The following DYTN variants were observed in gnomAD, a reference collection of about 807,000 sequenced individuals.
DYTN encodes dystrotelin.
DYTN carries 75 observed loss-of-function variants against 69.6 expected under a neutral mutation model. The observed-to-expected ratio is 1.08, with a 90% CI of 0.89 to 1.31. DYTN has a LOEUF of 1.31. Ranked by LOEUF, DYTN falls within the 50% of genes most tolerant of loss-of-function variation. DYTN has a pLI of 0.00. For synonymous variants in DYTN, 252 were observed against 249.1 expected (o/e 1.01, Z -0.11); for missense variants, 726 against 688.4 (o/e 1.05, Z -0.61).
intron 11 of DYTN, among the ~76,000 whole-genome samples, 167 bp from the exon 12 acceptor site, chr2:206,652,088 G>A (rs190506344): frequency 1.3e-5 from 2 of 152,222 alleles, no homozygotes; most frequent in Non-Finnish European, 2.9e-5. Flanking sequence ...TATTTACCAC[G>A]ATCATTACTA....
chr2:206,700,266 G>A (rs764720938), intron 5 of DYTN, 50 bp from the exon 6 acceptor site: 20 of 1,602,748 alleles, frequency 1.2e-5, no homozygotes, highest in East Asian at 4.5e-5. Context: ...GAAATATGTC[G>A]TCTCCGGGAG....
intron 11 of DYTN, 37 bp downstream of exon 11, chr2:206,662,866 T>C: frequency 6.4e-7 from 1 of 1,571,678 alleles, no homozygotes; most frequent in Non-Finnish European, 8.6e-7. Flanking sequence ...CTTGAATCCT[T>C]GGCCATCACG....
intron 7 of DYTN, among the ~76,000 whole-genome samples, chr2:206,698,752 C>T (rs1475053810): frequency 6.6e-6 from 1 of 152,210 alleles, no homozygotes; most frequent in African/African-American, 2.4e-5. Flanking sequence ...TTTGAATCTC[C>T]CACCTCCAAA....
rs1354681920 is a variant in DYTN at position 206,651,840 on chromosome 2, A to G, written c.1715T>C (p.Ile572Thr). The G allele has an allele frequency of 6.2e-7, 1 of 1,613,542 alleles. No homozygotes were observed. Among genetic ancestry groups the G allele is most frequent in the South Asian group, 1.1e-5 (1 of 91,056 alleles). ...CRAFSALVDQ[I>T]ALPNLK ...ATTTCACTTCAAATTGGGCAAGGCA[A>G]TTTGATCAACAAGGGCAGAGAAGGC... The change falls in exon 12 of 12, where the codon ATT (isoleucine) becomes ACT (threonine). Residue 572 changes from isoleucine to threonine, a missense_variant. Physicochemically the swap from Ile to Thr is moderately conservative, Grantham distance 89 (BLOSUM62 -1). Coordinates refer to ENST00000452335, the MANE Select transcript of DYTN (RefSeq NM_001093730.1).
chr2:206,704,800 T>G (rs2105900674), intron 5 of DYTN, 43 bp downstream of exon 5: 1 of 1,531,652 alleles, frequency 6.5e-7, no homozygotes, highest in South Asian at 1.2e-5. Flanking sequence ...ATGTGGCAAA[T>G]TAACTGAAAC....
chr2:206,694,922 GAAAAAA>G (rs71410896), intron 7 of DYTN, 45 bp from the exon 8 acceptor site: 6 of 714,786 alleles, frequency 8.4e-6, no homozygotes, highest in South Asian at 4.1e-5. Context: ...TAGTAGATGA[GAAAAAA>G]AAAAAAAAAA....
chr2:206,659,426 G>C (rs1003433448), intron 11 of DYTN, among the ~76,000 whole-genome samples: 2 of 141,108 alleles, frequency 1.4e-5, no homozygotes, highest in Non-Finnish European at 3.0e-5. Context: ...TGCCCGCCTC[G>C]GTCTCCCAAA....
rs1476832064 is a variant in DYTN, at chr2:206,710,423, A to G, written c.94+101T>C. 2.5e-5 allele frequency: 27 copies of G among 1,099,354 alleles called. No homozygotes were observed. In the East Asian group the frequency reaches 4.3e-4, roughly 17 times the overall value. 68.1% of individuals were successfully genotyped at this position (1,099,354 alleles called of 1,614,324 possible). A position where few individuals can be genotyped will look rare whatever the true frequency, so the allele number is the denominator to read the frequency against. On this transcript the variant is annotated intron_variant, in intron 2 of 11. Transcript: ENST00000452335. ...GCACAAGTCCAGACTTCCAGAATCC[A>G]GTAGTCAGCTGCATGGGGGGAGTGT...
chr2:206,685,200 C>G (rs1257539049), intron 9 of DYTN, among the ~76,000 whole-genome samples: 4 of 151,834 alleles, frequency 2.6e-5, no homozygotes, highest in Non-Finnish European at 4.4e-5. Context: ...CATTTTCACC[C>G]AGGCTGGAGT....
chr2:206,714,689 G>T (rs1700110905), intron 1 of DYTN, among the ~76,000 whole-genome samples: 1 of 93,408 alleles, frequency 1.1e-5, no homozygotes, highest in Non-Finnish European at 1.9e-5. Context: ...CCCCTGAGTG[G>T]GGGAATGAAT....
chr2:206,709,968 C>T (rs1218258689), intron 2 of DYTN, among the ~76,000 whole-genome samples: 3 of 152,172 alleles, frequency 2.0e-5, no homozygotes, highest in Admixed American at 6.5e-5. Context: ...GAAAACCATA[C>T]ATTCAATCAG....
chr2:206,698,555 C>T (rs952576416), intron 7 of DYTN, among the ~76,000 whole-genome samples: 2 of 152,190 alleles, frequency 1.3e-5, no homozygotes, highest in African/African-American at 2.4e-5. Flanking sequence ...ACATCCCCAG[C>T]CCCTGTTCAC....
chr2:206,674,909 T>C (rs540979329), intron 9 of DYTN, among the ~76,000 whole-genome samples: 5 of 151,928 alleles, frequency 3.3e-5, no homozygotes, highest in Non-Finnish European at 7.4e-5. Context: ...TTAAAAACCA[T>C]CTCGAGCCAA....
chr2:206,680,075 G>A (rs13432155), intron 9 of DYTN, among the ~76,000 whole-genome samples: 9,586 of 152,158 alleles, frequency 0.063, 1,022 homozygotes, highest in African/African-American at 0.22. Context: ...TCATACTGCT[G>A]TGAAGAAATA....
At chr2:206,712,258 C>T (rs1052450318) in intron 1 of DYTN, among the ~76,000 whole-genome samples, 39 of 152,058 alleles carry the variant, frequency 2.6e-4, no homozygotes, top group Non-Finnish European at 5.3e-4. Context: ...TAGCAGGCCC[C>T]GGGGGTAAAT....
intron 5 of DYTN, among the ~76,000 whole-genome samples, 162 bp from the exon 6 acceptor site, chr2:206,700,378 G>A (rs1017966271): frequency 6.6e-6 from 1 of 152,164 alleles, no homozygotes; most frequent in African/African-American, 2.4e-5. Flanking sequence ...GAAATGCGTG[G>A]GTTTTGTGCA....
chr2:206,663,910 T>C (rs1699540598), intron 10 of DYTN, among the ~76,000 whole-genome samples: 1 of 152,210 alleles, frequency 6.6e-6, no homozygotes, highest in Non-Finnish European at 1.5e-5. Flanking sequence ...GTCAAAATTA[T>C]GTTCATAAGG....
At chr2:206,714,363 C>T (rs764898141) in intron 1 of DYTN, among the ~76,000 whole-genome samples, 7 of 152,196 alleles carry the variant, frequency 4.6e-5, no homozygotes, top group Admixed American at 6.5e-5. Context: ...CCACCACGCC[C>T]GGCTAATTTT....
chr2:206,660,918 C>G (rs1247416777), intron 11 of DYTN, among the ~76,000 whole-genome samples: 1 of 152,090 alleles, frequency 6.6e-6, no homozygotes, highest in Non-Finnish European at 1.5e-5. Context: ...CCCTCCTACC[C>G]CAAATTTATA....
Sources: allele counts gnomAD v4.1 joint callset (sites outside exome capture counted in the v4.1 genomes callset), GRCh38; gene constraint gnomAD v4.1.1; transcripts MANE v1.5; gene names NCBI Gene and HGNC (gene_info 2026-07-23, HGNC 2026-07-21).